Variants in NTM observed in about 807,000 individuals in gnomAD.
NTM encodes the protein neurotrimin, also known as IgLON family member 2.
NTM carries 13 observed loss-of-function variants against 42.1 expected under a neutral mutation model. The ratio of observed to expected loss-of-function variants is 0.31; its 90% CI spans 0.20 to 0.49. The LOEUF is 0.49. Among genes scored for constraint, NTM ranks in the 20% least tolerant of loss-of-function variants. NTM has a pLI of 0.99. For missense variants in NTM, 373 were observed against 452.8 expected (o/e 0.82, Z 1.60); for synonymous variants, 187 against 179.2 (o/e 1.04, Z -0.35).
chr11:131,649,245 G>A (rs975385711), intron 1 of NTM, among the ~76,000 whole-genome samples: 3 of 152,162 alleles, frequency 2.0e-5, no homozygotes, highest in Non-Finnish European at 4.4e-5. Context: ...TGGTAAACAG[G>A]GGATTTACTT....
At chr11:131,465,585 G>C (rs1392390171) in intron 1 of NTM, among the ~76,000 whole-genome samples, 1 of 152,146 alleles carries the variant, frequency 6.6e-6, no homozygotes, top group Non-Finnish European at 1.5e-5. Context: ...AAGCCCCTGG[G>C]ATCTGTGTAC....
intron 1 of NTM, chr11:131,794,459 C>T: frequency 1.0e-6 from 1 of 985,042 alleles, no homozygotes; most frequent in Non-Finnish European, 1.2e-6. Context: ...GAGGCGTTTG[C>T]CTTTCCTCCC....
At chr11:131,513,615 T>C (rs2048530215) in intron 1 of NTM, among the ~76,000 whole-genome samples, 1 of 152,206 alleles carries the variant, frequency 6.6e-6, no homozygotes, top group South Asian at 2.1e-4. Flanking sequence ...AAGACTGATA[T>C]GAAAGCGCTT....
At chr11:132,137,155 A>C (rs1382439397) in intron 2 of NTM, among the ~76,000 whole-genome samples, 1 of 152,254 alleles carries the variant, frequency 6.6e-6, no homozygotes, top group African/African-American at 2.4e-5. Context: ...GACAACTGCC[A>C]GGCTGGCCTA....
At chr11:131,526,307 C>G (rs139646890) in intron 1 of NTM, among the ~76,000 whole-genome samples, 1 of 152,198 alleles carries the variant, frequency 6.6e-6, no homozygotes, top group African/African-American at 2.4e-5. Flanking sequence ...TGCACCCCAG[C>G]TGGGGATGGC....
rs150234007 is a variant in NTM at position 131,589,147 on chromosome 11, G to A, written c.82+218259G>A. Reference sequence around the variant, plus strand: ...ACACAGCAGTTATACAGGAAACCATGCCACTCTTAACCTGGAAAAATGTGT... The same window carrying A: ...ACACAGCAGTTATACAGGAAACCATACCACTCTTAACCTGGAAAAATGTGT... On this transcript the variant is annotated intron_variant, in intron 1 of 8. Coordinates refer to ENST00000683400, the MANE Select transcript of NTM (RefSeq NM_001352005.2). Among the ~76,000 whole-genome samples, 27 of 147,524 alleles carry A rather than the reference G, an allele frequency of 1.8e-4. No homozygotes were observed. The East Asian group carries it at 5.1e-3, about 28-fold the overall frequency.
At chr11:132,030,483 A>G (rs1413130112) in intron 2 of NTM, among the ~76,000 whole-genome samples, 1 of 152,194 alleles carries the variant, frequency 6.6e-6, no homozygotes, top group Non-Finnish European at 1.5e-5. Flanking sequence ...ATACATGCAT[A>G]ATATGTCATT....
At chr11:131,391,275 C>T (rs1433989102) in intron 1 of NTM, among the ~76,000 whole-genome samples, 2 of 152,110 alleles carry the variant, frequency 1.3e-5, no homozygotes, top group African/African-American at 2.4e-5. Flanking sequence ...CTCTCCGCCA[C>T]ATACTTCTCT....
chr11:132,251,062 A>T (rs2091887976), intron 4 of NTM, among the ~76,000 whole-genome samples: 1 of 152,234 alleles, frequency 6.6e-6, no homozygotes, highest in African/African-American at 2.4e-5. Flanking sequence ...AACTCCATTA[A>T]GGGTGTCTAA....
At chr11:132,139,406 T>G (rs1167400755) in intron 2 of NTM, among the ~76,000 whole-genome samples, 2 of 152,224 alleles carry the variant, frequency 1.3e-5, no homozygotes, top group Non-Finnish European at 2.9e-5. Flanking sequence ...CTTCAGCATT[T>G]AAATTAGTGT....
At chr11:131,789,636 AAAGAAG>A (rs374898394) in intron 1 of NTM, among the ~76,000 whole-genome samples, 395 of 30,876 alleles carry the variant, frequency 0.013, 24 homozygotes, top group Admixed American at 0.022. Flanking sequence ...AAGAAGAAGA[AAAGAAG>A]AAGAAGAAGA....
rs373921398 is a variant in NTM at position 132,037,086 on chromosome 11, G to A, written c.168-109196G>A. Among the ~76,000 whole-genome samples the A allele has an allele frequency of 9.4e-4, 143 of 152,276 alleles. 4 individuals carry two copies. In the South Asian group the frequency reaches 0.028, roughly 30 times the overall value. Reference sequence around the variant, plus strand: ...TTGATCTCTGCAAACCTCTGCTGAAGTTTGATCCCTGATGTTGGAGGTAGG... The same window carrying A: ...TTGATCTCTGCAAACCTCTGCTGAAATTTGATCCCTGATGTTGGAGGTAGG... On this transcript the variant is annotated intron_variant, in intron 2 of 8. Coordinates refer to ENST00000683400, the MANE Select transcript of NTM (RefSeq NM_001352005.2).
intron 2 of NTM, among the ~76,000 whole-genome samples, chr11:131,997,201 T>C (rs1032479354): frequency 1.3e-5 from 2 of 152,166 alleles, no homozygotes; most frequent in African/African-American, 2.4e-5. Flanking sequence ...TGTAGGGGCT[T>C]GACAGCCAGA....
chr11:131,911,167 G>C (rs905326354), intron 1 of NTM: 2 of 1,320,068 alleles, frequency 1.5e-6, no homozygotes, highest in African/African-American at 3.0e-5. Flanking sequence ...CCTGAGACGC[G>C]CCCACACCTT....
chr11:131,579,758 G>T (rs1349009635), intron 1 of NTM, among the ~76,000 whole-genome samples: 1 of 152,220 alleles, frequency 6.6e-6, no homozygotes, highest in African/African-American at 2.4e-5. Flanking sequence ...CTGGGGAAGG[G>T]CATACCTCCC....
rs185842654 is a variant in NTM at position 132,279,531 on chromosome 11, C to T, written c.527-28158C>T. Among the ~76,000 whole-genome samples, 34 of 152,310 alleles carry T rather than the reference C, an allele frequency of 2.2e-4. No homozygotes were observed. In the East Asian group the frequency reaches 4.4e-3, roughly 20 times the overall value. ...GCTCACCAGAACTTCCACTACTGCA[C>T]GTTAAATCCCAGGCTCAAACAATTA... On this transcript the variant is annotated intron_variant, in intron 4 of 8. Coordinates refer to ENST00000683400, the MANE Select transcript of NTM (RefSeq NM_001352005.2).
intron 1 of NTM, among the ~76,000 whole-genome samples, chr11:131,648,668 C>T (rs990367338): frequency 6.6e-6 from 1 of 152,188 alleles, no homozygotes; most frequent in African/African-American, 2.4e-5. Context: ...CTTTTGATAA[C>T]ATATATTCTT....
At chr11:131,672,552 C>A (rs1372735136) in intron 1 of NTM, among the ~76,000 whole-genome samples, 5 of 152,204 alleles carry the variant, frequency 3.3e-5, no homozygotes, top group Non-Finnish European at 7.3e-5. Context: ...TTCCTATTCA[C>A]CCATCAGACC....
intron 1 of NTM, among the ~76,000 whole-genome samples, chr11:131,635,643 CT>C (rs531123133): frequency 6.6e-6 from 1 of 151,884 alleles, no homozygotes; most frequent in South Asian, 2.1e-4. Context: ...TGAATAAAGA[CT>C]TTTTTATTAA....
Sources: allele counts gnomAD v4.1 joint callset (sites outside exome capture counted in the v4.1 genomes callset), GRCh38; gene constraint gnomAD v4.1.1; transcripts MANE v1.5; gene names NCBI Gene and HGNC (gene_info 2026-07-23, HGNC 2026-07-21).